Variants in ATM observed in about 807,000 individuals in gnomAD.
ATM encodes the protein ATM serine/threonine kinase, also known as serine-protein kinase ATM.
A neutral mutation model predicts 387.0 loss-of-function variants in ATM; 308 were observed. The observed-to-expected ratio is 0.80, with a 90% CI of 0.73 to 0.87. ATM has a LOEUF of 0.87. Among genes scored for constraint, ATM ranks in the 40% least tolerant of loss-of-function variants. The pLI is 0.00. For missense variants in ATM, 3,312 were observed against 3,560.9 expected, an observed-to-expected ratio of 0.93 and a Z score of 1.78; for synonymous variants, 1,156 against 1,187.3, an observed-to-expected ratio of 0.97 and a Z score of 0.54.
rs1313014736 is a variant in ATM at position 108,229,262 on chromosome 11, G to T, written c.270G>T (p.Arg90Ser). 1 of 1,613,510 alleles carries T rather than the reference G, an allele frequency of 6.2e-7. No homozygotes were observed. The highest frequency in any genetic ancestry group is 8.5e-7 in the Non-Finnish European group (1 of 1,179,780). Residue 90 changes from arginine to serine, a missense_variant, in exon 4 of 63, where the codon AGG becomes AGT. Arg to Ser is a moderately radical substitution (Grantham distance 110). Transcript: ENST00000675843. ...PNVSASTQAS[R>S]QKKMQEISSL... ...TATCAGCCTCAACACAAGCCTCCAG[G>T]CAGAAAAAGATGCAGGAAATCAGTA...
At chr11:108,258,266 A>T (rs2080631904) in intron 15 of ATM, among the ~76,000 whole-genome samples, 1 of 152,226 alleles carries the variant, frequency 6.6e-6, no homozygotes, top group African/African-American at 2.4e-5. Context: ...CCAGACAAAT[A>T]AGCAATAGGA....
chr11:108,348,587 A>C (rs1484172096), intron 59 of ATM, among the ~76,000 whole-genome samples: 1 of 151,834 alleles, frequency 6.6e-6, no homozygotes, highest in African/African-American at 2.4e-5. Flanking sequence ...AATGTAATGT[A>C]AAGAAGTGTG....
intron 16 of ATM, among the ~76,000 whole-genome samples, chr11:108,261,050 G>A (rs2080844199): frequency 6.6e-6 from 1 of 151,830 alleles, no homozygotes; most frequent in South Asian, 2.1e-4. Context: ...AGGCGGCAGC[G>A]AGGCTGGGGG....
chr11:108,262,989 C>T (rs1287643962), intron 16 of ATM, among the ~76,000 whole-genome samples: 2 of 152,030 alleles, frequency 1.3e-5, no homozygotes, highest in African/African-American at 4.8e-5. Context: ...TAAAGCAAGT[C>T]CTGAGTGACC....
chr11:108,247,389 C>T (rs1033810901), intron 8 of ATM, among the ~76,000 whole-genome samples: 1 of 152,162 alleles, frequency 6.6e-6, no homozygotes. Flanking sequence ...GTGACCCTAA[C>T]CCTAATGATT....
intron 29 of ATM, among the ~76,000 whole-genome samples, chr11:108,291,218 A>C (rs1299128371): frequency 6.6e-6 from 1 of 152,190 alleles, no homozygotes; most frequent in Non-Finnish European, 1.5e-5. Flanking sequence ...CCTGGGCGAC[A>C]GAGCAAGACT....
intron 59 of ATM, 22 bp downstream of exon 59, chr11:108,347,387 T>C: frequency 1.3e-6 from 2 of 1,527,994 alleles, no homozygotes; most frequent in Non-Finnish European, 1.8e-6. Flanking sequence ...AATCTATGTA[T>C]CTATTCTTTT....
intron 13 of ATM, among the ~76,000 whole-genome samples, chr11:108,254,586 G>A (rs1261271811): frequency 6.6e-6 from 1 of 152,130 alleles, no homozygotes; most frequent in African/African-American, 2.4e-5. Flanking sequence ...CTATTTCTGT[G>A]TATTCAGATC....
chr11:108,292,680 C>T lies in ATM; in HGVS notation c.4498C>T (p.Gln1500Ter), dbSNP rs1591674064. ...SFSLCCDLLSQVCQTAVTYCK... is the reference protein window; with the variant it reads ...SFSLCCDLLS ...CTCCCTTTGTTGTGACTTATTAAGT[C>T]AGGTTTGCCAGACAGCCGTGACTTA... Residue 1500 changes from glutamine (Q) to a stop codon, truncating the protein, a stop_gained, in exon 30 of 63, where the codon CAG (glutamine) becomes TAG (stop). Transcript: ENST00000675843. LOFTEE classifies it high-confidence loss of function. 1 of 1,613,584 alleles carries T rather than the reference C, an allele frequency of 6.2e-7. No homozygotes were observed. The highest frequency in any genetic ancestry group is 8.5e-7 in the Non-Finnish European group (1 of 1,179,916).
At chr11:108,341,298 GCAGTGTTACCCT>G (rs1185273854) in intron 56 of ATM, among the ~76,000 whole-genome samples, 2 of 152,076 alleles carry the variant, frequency 1.3e-5, no homozygotes, top group Non-Finnish European at 2.9e-5. Flanking sequence ...GGCTTCTGCT[GCAGTGTTACCCT>G]CAGAAAGGCC....
chr11:108,269,169 C>T (rs929424256), intron 18 of ATM, among the ~76,000 whole-genome samples: 1 of 152,206 alleles, frequency 6.6e-6, no homozygotes, highest in Non-Finnish European at 1.5e-5. Context: ...CAAGGATACA[C>T]TTCTGTTTAG....
intron 16 of ATM, among the ~76,000 whole-genome samples, chr11:108,262,324 A>G (rs1252311930): frequency 6.6e-6 from 1 of 152,112 alleles, no homozygotes; most frequent in African/African-American, 2.4e-5. Context: ...GTGGGGGCCA[A>G]TATTCAACAT....
intron 62 of ATM, 41 bp downstream of exon 62, chr11:108,365,259 G>C (rs1442055548): frequency 6.2e-7 from 1 of 1,614,066 alleles, no homozygotes; most frequent in African/African-American, 1.3e-5. Context: ...CAGTTTTTCA[G>C]ATTTTCTTAT....
intron 9 of ATM, 139 bp from the exon 10 acceptor site, chr11:108,250,562 C>G: frequency 1.0e-6 from 1 of 959,438 alleles, no homozygotes. Flanking sequence ...TATTAACAGC[C>G]AGTTTATTTT....
Position 108,280,366 on chromosome 11 carries a change from C to G in ATM, c.3403-629C>G, listed in dbSNP as rs2082168715. Among the ~76,000 whole-genome samples the G allele has an allele frequency of 5.3e-5, 8 of 152,246 alleles. No homozygotes were observed. In the South Asian group the frequency reaches 1.7e-3, roughly 32 times the overall value. Reference sequence around the variant, plus strand: ...TGTATCTTGTGATTATAGTATGAATCAACATTGTATTACAGTTACCAAAAA... The same window carrying G: ...TGTATCTTGTGATTATAGTATGAATGAACATTGTATTACAGTTACCAAAAA... On this transcript the variant is annotated intron_variant, in intron 23 of 62. Transcript: ENST00000675843.
intron 61 of ATM, among the ~76,000 whole-genome samples, chr11:108,359,582 T>C (rs1335102132): frequency 6.6e-6 from 1 of 151,908 alleles, no homozygotes; most frequent in Non-Finnish European, 1.5e-5. Flanking sequence ...AGAACAGAGA[T>C]TATAACAAAC....
chr11:108,325,633 C>A, intron 46 of ATM, 89 bp downstream of exon 46: 1 of 1,113,014 alleles, frequency 9.0e-7, no homozygotes, highest in Non-Finnish European at 1.3e-6. Context: ...AAAGAAATGT[C>A]ATTAAGAGAT....
intron 23 of ATM, among the ~76,000 whole-genome samples, chr11:108,280,368 A>G (rs1277800987): frequency 6.6e-6 from 1 of 152,194 alleles, no homozygotes; most frequent in African/African-American, 2.4e-5. Flanking sequence ...GTATGAATCA[A>G]CATTGTATTA....
intron 5 of ATM, among the ~76,000 whole-genome samples, chr11:108,243,143 G>C (rs2079650315): frequency 6.6e-6 from 1 of 152,034 alleles, no homozygotes; most frequent in East Asian, 1.9e-4. Flanking sequence ...ACCTGAGTCT[G>C]CTGAGATTGA....
Sources: allele counts gnomAD v4.1 joint callset (sites outside exome capture counted in the v4.1 genomes callset), GRCh38; gene constraint gnomAD v4.1.1; transcripts MANE v1.5; gene names NCBI Gene and HGNC (gene_info 2026-07-23, HGNC 2026-07-21).